Variants in TUT7 observed in about 807,000 individuals in gnomAD.
TUT7 encodes terminal uridylyltransferase 7.
A neutral mutation model predicts 165.9 loss-of-function variants in TUT7; 33 were observed. That is an observed-to-expected ratio of 0.20 (90% CI 0.15 to 0.27). The LOEUF (loss-of-function observed/expected upper bound fraction) is 0.27. Ranked by LOEUF, TUT7 falls within the 10% of genes least tolerant of loss-of-function variation. The pLI is 1.00. For synonymous variants in TUT7, 552 were observed against 608.1 expected, an observed-to-expected ratio of 0.91 and a Z score of 1.36; for missense variants, 1,338 against 1,762.3, an observed-to-expected ratio of 0.76 and a Z score of 4.31.
At chr9:86,336,715 TAA>T (rs1830811340) in intron 10 of TUT7, among the ~76,000 whole-genome samples, 1 of 152,142 alleles carries the variant, frequency 6.6e-6, no homozygotes, top group Non-Finnish European at 1.5e-5. Context: ...TTTCTACACA[TAA>T]AAGTGTATCA....
In TUT7 at chr9:86,290,658, A is replaced by G. The variant is rs1367686498; in HGVS notation, c.4421-1914T>C. 2.7e-5 allele frequency among the ~76,000 whole-genome samples: 4 copies of G among 149,774 alleles called. No individual in the cohort carries two copies. The East Asian group carries it at 5.9e-4, about 22-fold the overall frequency. ...GGAGTTCGAGACCAGCCTGGGCAACATGGTGAAACCTCGTCTCTACTAAAA... is the reference window on the plus strand; with the variant it reads ...GGAGTTCGAGACCAGCCTGGGCAACGTGGTGAAACCTCGTCTCTACTAAAA... On this transcript the variant is annotated intron_variant, in intron 26 of 26. Transcript: ENST00000375963.
chr9:86,297,548 C>A (rs1012467213), intron 26 of TUT7, among the ~76,000 whole-genome samples: 1 of 152,062 alleles, frequency 6.6e-6, no homozygotes, highest in African/African-American at 2.4e-5. Flanking sequence ...AAGCTTATGG[C>A]CAGGTGTGGC....
In TUT7 at chr9:86,353,024, C is replaced by T. The variant is rs1392084844; in HGVS notation, c.176G>A (p.Gly59Glu). 4 of 1,614,014 alleles carry T rather than the reference C, an allele frequency of 2.5e-6. No homozygotes were observed. Among genetic ancestry groups the T allele is most frequent in the Admixed American group, 1.7e-5 (1 of 59,992 alleles). ...TTTTCTGGGGGTATTCCCATAGTTC[C>T]CTGGTGTTATCTTCTTTTTTTGAAG... is the stretch of plus-strand genomic sequence containing the variant. ...KGLQKKKITP[G>E]NYGNTPRKGP... Residue 59 changes from glycine to glutamate, a missense_variant, in exon 2 of 27, where the codon GGG (glycine) becomes GAG (glutamate). Physicochemically the swap from Gly to Glu is moderately conservative, Grantham distance 98 (BLOSUM62 -2). Transcript: ENST00000375963.
At position 86,351,859 on chromosome 9, in the gene TUT7, T is replaced by C. The variant is rs77921221; in HGVS notation, c.520+821A>G. The stretch of plus-strand genomic sequence containing the variant: ...TGTTTCCAACTGTGATATTGTTTCA[T>C]TTTTTCCATCCAATTTGTGACTTTA... On this transcript the variant is annotated intron_variant, in intron 2 of 26. Transcript: ENST00000375963. Among the ~76,000 whole-genome samples the C allele has an allele frequency of 3.6e-3, 548 of 152,336 alleles. 3 individuals are homozygous for C. Among genetic ancestry groups the C allele is most frequent in the African/African-American group, 0.013 (528 of 41,574 alleles).
chr9:86,331,384 G>C (rs1311024263), intron 10 of TUT7, among the ~76,000 whole-genome samples: 1 of 152,214 alleles, frequency 6.6e-6, no homozygotes, highest in East Asian at 1.9e-4. Context: ...TTGATATGAT[G>C]TATCAGTTTA....
At chr9:86,347,969 A>C (rs1831919800) in intron 2 of TUT7, among the ~76,000 whole-genome samples, 1 of 152,176 alleles carries the variant, frequency 6.6e-6, no homozygotes, top group Non-Finnish European at 1.5e-5. Flanking sequence ...TATCAAAAAA[A>C]CTGCATCTAA....
intron 26 of TUT7, among the ~76,000 whole-genome samples, chr9:86,294,274 CAAAAAAAA>C (rs11338696): frequency 2.1e-5 from 2 of 96,848 alleles, no homozygotes; most frequent in Non-Finnish European, 2.0e-5. Context: ...TGCCATGAGG[CAAAAAAAA>C]AAAAAAAAAA....
intron 26 of TUT7, 30 bp downstream of exon 26, chr9:86,301,246 C>G: frequency 6.4e-7 from 1 of 1,570,180 alleles, no homozygotes; most frequent in Non-Finnish European, 8.7e-7. Context: ...GATGTTAGAG[C>G]AAACATCAAG....
At chr9:86,329,690 C>G (rs1177598302) in intron 10 of TUT7, among the ~76,000 whole-genome samples, 1 of 152,152 alleles carries the variant, frequency 6.6e-6, no homozygotes, top group Non-Finnish European at 1.5e-5. Context: ...AAGACACACT[C>G]TCCTGTTCAT....
Position 86,323,564 on chromosome 9 carries a change from G to C in TUT7, c.2186C>G (p.Ala729Gly). The change falls in exon 13 of 27, where the codon GCA becomes GGA. Residue 729 changes from alanine (A) to glycine (G), a missense_variant. By Grantham distance (60) the Ala-to-Gly change is moderately conservative. Transcript: ENST00000375963. ...VHPENSDCIQADVNSDDYKGD... is the reference protein window; with the variant it reads ...VHPENSDCIQGDVNSDDYKGD... Reference sequence around the variant, plus strand: ...CTTGTAATCATCAGAGTTAACATCTGCTTGGATACAGTCTGAGTTTTCAGG... The same window carrying C: ...CTTGTAATCATCAGAGTTAACATCTCCTTGGATACAGTCTGAGTTTTCAGG... 6.2e-7 allele frequency: 1 copy of C among 1,614,136 alleles called. No individual in the cohort carries two copies. Among genetic ancestry groups the C allele is most frequent in the Non-Finnish European group, 8.5e-7 (1 of 1,180,024 alleles).
Position 86,297,921 on chromosome 9 carries a change from C to CTTT in TUT7, c.4420+3352_4420+3354dup, listed in dbSNP as rs59651352. ...CTCACTCACCCTTCTGCCTGCTCCACTTTTTTTTTTTTTTCAAATTTCTTC... is the reference window on the plus strand; with the variant it reads ...CTCACTCACCCTTCTGCCTGCTCCACTTTTTTTTTTTTTTTTTCAAATTTCTTC... On this transcript the variant is annotated intron_variant, in intron 26 of 26. Transcript: ENST00000375963. Among the ~76,000 whole-genome samples the CTTT allele has an allele frequency of 9.4e-4, 81 of 86,504 alleles. 3 individuals are homozygous for CTTT. In the South Asian group the frequency reaches 0.011, roughly 12 times the overall value. The allele number at this position is 86,504 out of a possible 152,430, so 56.7% of individuals were successfully genotyped here. A position where few individuals can be genotyped will look rare whatever the true frequency, so the allele number is the denominator to read the frequency against.
chr9:86,301,658 A>G (rs1587861661), intron 25 of TUT7, 57 bp from the exon 26 acceptor site: 2 of 1,541,440 alleles, frequency 1.3e-6, no homozygotes, highest in Non-Finnish European at 1.7e-6. Context: ...ACAAAATATT[A>G]AGGCAATTCC....
intron 14 of TUT7, among the ~76,000 whole-genome samples, chr9:86,320,237 T>C (rs1172824598): frequency 1.2e-5 from 1 of 84,424 alleles, no homozygotes; most frequent in Non-Finnish European, 2.6e-5. Flanking sequence ...TAGCTCATAA[T>C]ATAAAAAAAA....
chr9:86,327,493 C>T (rs1829896405), intron 11 of TUT7, among the ~76,000 whole-genome samples: 1 of 152,216 alleles, frequency 6.6e-6, no homozygotes, highest in Non-Finnish European at 1.5e-5. Context: ...CAAGGACACA[C>T]AGCTGGGAAG....
In TUT7 at chr9:86,344,881, G is replaced by A. The variant is rs530493744; in HGVS notation, c.997+96C>T. Reference sequence around the variant, plus strand: ...GAAAACACAAGAGCTTCATGACATGGTAAATAAATTTTTATTTGATGAAAA... The same window carrying A: ...GAAAACACAAGAGCTTCATGACATGATAAATAAATTTTTATTTGATGAAAA... On this transcript the variant is annotated intron_variant, in intron 5 of 26. Coordinates refer to ENST00000375963, the MANE Select transcript of TUT7 (RefSeq NM_024617.4). 33 of 1,187,374 alleles carry A rather than the reference G, an allele frequency of 2.8e-5. No individual in the cohort carries two copies. The African/African-American group carries it at 3.2e-4, about 11-fold the overall frequency. The allele number at this position is 1,187,374 out of a possible 1,614,324, so 73.6% of individuals were successfully genotyped here.
intron 26 of TUT7, among the ~76,000 whole-genome samples, chr9:86,290,686 C>CAAAAAAAAAAA (rs749800073): frequency 1.1e-4 from 6 of 54,646 alleles, no homozygotes; most frequent in South Asian, 6.3e-4. Flanking sequence ...TACTAAAATA[C>CAAAAAAAAAAA]AAAAAAAAAA....
At position 86,308,528 on chromosome 9, in the gene TUT7, C is replaced by T; in HGVS notation, c.3739G>A (p.Glu1247Lys). Residue 1247 changes from glutamate to lysine, a missense_variant, in exon 22 of 27, where the codon GAG becomes AAG. Physicochemically the swap from Glu to Lys is moderately conservative, Grantham distance 56. Coordinates refer to ENST00000375963, the MANE Select transcript of TUT7 (RefSeq NM_024617.4). ...ACATGTTCTTTAAAATCAAATTCCTCTGTGTAGAAACGAAGAAGGCCCAAC... is the reference window on the plus strand; with the variant it reads ...ACATGTTCTTTAAAATCAAATTCCTTTGTGTAGAAACGAAGAAGGCCCAAC... ...LWLGLLRFYT[E>K]EFDFKEHVIS... is the part of the protein sequence containing the mutation. 1 of 1,614,094 alleles carries T rather than the reference C, an allele frequency of 6.2e-7. No homozygotes were observed. Among genetic ancestry groups the T allele is most frequent in the Non-Finnish European group, 8.5e-7 (1 of 1,179,988 alleles).
At chr9:86,337,180 A>G (rs1830861527) in intron 10 of TUT7, 1 of 403,732 alleles carries the variant, frequency 2.5e-6, no homozygotes, top group African/African-American at 2.1e-5. Context: ...ATATTTCAAA[A>G]ATTAAGAGAT....
In TUT7 at chr9:86,323,920, A is replaced by G; in HGVS notation, c.1830T>C (p.Asn610=). The G allele has an allele frequency of 6.2e-7, 1 of 1,606,448 alleles. No individual in the cohort carries two copies. The highest frequency in any genetic ancestry group is 8.5e-7 in the Non-Finnish European group (1 of 1,175,790). Reference sequence around the variant, plus strand: ...GTATATATTCAAACACAGGTTGACTATTTAGGGTTCTTGCCACATTTCTTT... The same window carrying G: ...GTATATATTCAAACACAGGTTGACTGTTTAGGGTTCTTGCCACATTTCTTT... The part of the protein sequence containing the change: ...SVKRNVARTL[N]SQPVFEYILH... The change falls in exon 13 of 27, where the codon AAT becomes AAC. Residue 610 remains asparagine (N), a synonymous_variant. Transcript: ENST00000375963.
Sources: allele counts gnomAD v4.1 joint callset (sites outside exome capture counted in the v4.1 genomes callset), GRCh38; gene constraint gnomAD v4.1.1; transcripts MANE v1.5; gene names NCBI Gene and HGNC (gene_info 2026-07-23, HGNC 2026-07-21).